The following EYA1 variants were observed in gnomAD, a reference collection of about 807,000 sequenced individuals.
EYA1 encodes the protein EYA transcriptional coactivator and phosphatase 1.
A neutral mutation model predicts 82.0 loss-of-function variants in EYA1; 16 were observed. That is an observed-to-expected ratio of 0.20 (90% CI 0.13 to 0.30). The LOEUF is 0.30. EYA1 is among the 10% of genes least tolerant of loss of function. The pLI is 1.00. For synonymous variants in EYA1, 261 were observed against 264.4 expected (o/e 0.99, Z 0.12); for missense variants, 633 against 730.7 (o/e 0.87, Z 1.54).
chr8:71,321,252 A>G (rs1190608690), intron 6 of EYA1, among the ~76,000 whole-genome samples: 1 of 152,194 alleles, frequency 6.6e-6, no homozygotes, highest in Non-Finnish European at 1.5e-5. Context: ...TATATAGATC[A>G]CTTTTCCTAA....
intron 2 of EYA1, among the ~76,000 whole-genome samples, chr8:71,501,634 T>C (rs929633164): frequency 1.1e-4 from 17 of 152,208 alleles, no homozygotes; most frequent in Non-Finnish European, 1.2e-4. Context: ...TAAAACAACT[T>C]TGGGACTGAA....
rs147066127 is a variant in EYA1 at position 71,317,599 on chromosome 8, A to G, written c.509T>C (p.Phe170Ser). 12 of 1,614,004 alleles carry G rather than the reference A, an allele frequency of 7.4e-6. No homozygotes were observed. The African/African-American group carries it at 1.6e-4, about 22-fold the overall frequency. The stretch of plus-strand genomic sequence containing the variant: ...TGCCTGTCCAGGTTGAGGGGTACTG[A>G]AGCTTGTGCCATAGCTGAGAAATCC... ...QTGFLSYGTS[F>S]STPQPGQAPY... Residue 170 changes from phenylalanine (F) to serine (S), a missense_variant, in exon 7 of 18, where the codon TTC becomes TCC. Coordinates refer to ENST00000340726, the MANE Select transcript of EYA1 (RefSeq NM_000503.6).
At chr8:71,328,608 A>G (rs1823437718) in intron 4 of EYA1, among the ~76,000 whole-genome samples, 1 of 152,150 alleles carries the variant, frequency 6.6e-6, no homozygotes, top group Non-Finnish European at 1.5e-5. Context: ...AAGACCTGAA[A>G]ACATATTTTC....
intron 2 of EYA1, among the ~76,000 whole-genome samples, chr8:71,535,191 C>T (rs534260466): frequency 3.3e-5 from 5 of 152,146 alleles, no homozygotes; most frequent in Non-Finnish European, 7.4e-5. Context: ...TTTCTTTCTT[C>T]CTGATACAAA....
intron 2 of EYA1, among the ~76,000 whole-genome samples, chr8:71,431,810 T>C: frequency 6.6e-6 from 1 of 152,194 alleles, no homozygotes; most frequent in East Asian, 1.9e-4. Context: ...ACATTGTTTT[T>C]CCAAAGGTAT....
chr8:71,213,313 T>G (rs183477639), intron 16 of EYA1, among the ~76,000 whole-genome samples: 175 of 152,350 alleles, frequency 1.1e-3, no homozygotes, highest in African/African-American at 4.1e-3. Flanking sequence ...TACTCCTGCT[T>G]TCTTTCTGAG....
intron 2 of EYA1, among the ~76,000 whole-genome samples, chr8:71,420,663 C>A (rs989211515): frequency 4.6e-5 from 7 of 152,094 alleles, no homozygotes; most frequent in Admixed American, 1.3e-4. Context: ...ATGAGGGACC[C>A]ATTAACAAGC....
intron 11 of EYA1, among the ~76,000 whole-genome samples, chr8:71,246,248 C>T (rs549544308): frequency 4.6e-5 from 7 of 152,242 alleles, no homozygotes; most frequent in Non-Finnish European, 7.3e-5. Flanking sequence ...TTTATTGTCA[C>T]GGCAAACCTT....
intron 2 of EYA1, among the ~76,000 whole-genome samples, chr8:71,378,623 G>T (rs974936237): frequency 2.0e-5 from 3 of 152,138 alleles, no homozygotes; most frequent in African/African-American, 7.2e-5. Flanking sequence ...TAACATGTAA[G>T]ATGTAAAGAA....
At chr8:71,218,391 G>A (rs1225271362) in intron 12 of EYA1, among the ~76,000 whole-genome samples, 2 of 152,160 alleles carry the variant, frequency 1.3e-5, no homozygotes, top group Non-Finnish European at 2.9e-5. Flanking sequence ...GGGAGGAGGA[G>A]ATAGAAGTGG....
chr8:71,298,901 CCA>C, intron 9 of EYA1, 144 bp downstream of exon 9: 1 of 684,274 alleles, frequency 1.5e-6, no homozygotes, highest in South Asian at 1.7e-5. Flanking sequence ...AAAATGAATG[CCA>C]CAGTCATGCT....
intron 2 of EYA1, among the ~76,000 whole-genome samples, chr8:71,374,806 T>C (rs1457975035): frequency 2.0e-5 from 3 of 152,212 alleles, no homozygotes; most frequent in Admixed American, 6.5e-5. Flanking sequence ...ATATACACAA[T>C]GGAATATAAT....
At chr8:71,241,702 A>G (rs924030442) in intron 12 of EYA1, among the ~76,000 whole-genome samples, 2 of 152,152 alleles carry the variant, frequency 1.3e-5, no homozygotes, top group Non-Finnish European at 2.9e-5. Flanking sequence ...TAAAATATTC[A>G]TGTCCCCTAC....
chr8:71,338,430 C>A (rs567111090), intron 3 of EYA1, among the ~76,000 whole-genome samples: 4 of 152,136 alleles, frequency 2.6e-5, no homozygotes, highest in African/African-American at 9.7e-5. Context: ...TTAGGGGAGG[C>A]TGGCCCATAA....
intron 1 of EYA1, among the ~76,000 whole-genome samples, chr8:71,541,859 G>A (rs904900203): frequency 6.6e-6 from 1 of 152,126 alleles, no homozygotes; most frequent in Non-Finnish European, 1.5e-5. Context: ...TTCTTCAAAC[G>A]TTGTTTTGAT....
At chr8:71,535,582 A>T (rs778504648) in intron 2 of EYA1, among the ~76,000 whole-genome samples, 19 of 152,232 alleles carry the variant, frequency 1.2e-4, no homozygotes, top group Non-Finnish European at 2.4e-4. Context: ...TAGGCTGATG[A>T]AACAGTGTAC....
chr8:71,528,035 CT>C (rs1170285095), intron 2 of EYA1, among the ~76,000 whole-genome samples: 1 of 151,892 alleles, frequency 6.6e-6, no homozygotes. Flanking sequence ...AAGTCTGTGG[CT>C]TTTATTCAGA....
chr8:71,266,653 A>G (rs908256704), intron 11 of EYA1, among the ~76,000 whole-genome samples: 2 of 151,992 alleles, frequency 1.3e-5, no homozygotes, highest in Non-Finnish European at 2.9e-5. Context: ...AGAGACTCCA[A>G]GGAGCCTCTA....
chr8:71,420,958 T>C (rs569342226), intron 2 of EYA1, among the ~76,000 whole-genome samples: 48 of 152,314 alleles, frequency 3.2e-4, no homozygotes, highest in Non-Finnish European at 5.0e-4. Flanking sequence ...AGGCATACTC[T>C]TGATTTTTTA....
Sources: gnomAD v4.1 joint callset for allele counts (sites outside exome capture counted in the v4.1 genomes callset) on GRCh38, gnomAD v4.1.1 for gene constraint, MANE v1.5 for transcripts, NCBI Gene and HGNC (gene_info 2026-07-23, HGNC 2026-07-21) for gene names.